Variants in KCNB2 observed in about 807,000 individuals in gnomAD.
KCNB2 encodes delayed rectifier potassium channel protein.
KCNB2 carries 15 observed loss-of-function variants against 61.5 expected under a neutral mutation model. The observed-to-expected ratio is 0.24, with a 90% CI of 0.16 to 0.38. KCNB2 has a LOEUF of 0.38. Ranked by LOEUF, KCNB2 falls within the 10% of genes least tolerant of loss-of-function variation. KCNB2 has a pLI of 1.00. For synonymous variants in KCNB2, 457 were observed against 446.0 expected (o/e 1.02, Z -0.31); for missense variants, 828 against 1,125.2 (o/e 0.74, Z 3.78).
In KCNB2 at chr8:72,887,533, G is replaced by A. The variant is rs190274385; in HGVS notation, c.580-48402G>A. Among the ~76,000 whole-genome samples, 616 of 152,312 alleles carry A rather than the reference G, an allele frequency of 4.0e-3. 2 individuals carry two copies. Among genetic ancestry groups the A allele is most frequent in the Non-Finnish European group, 6.9e-3 (467 of 68,026 alleles). ...CTAGCCAGGAACAGGAAGACAGGAA[G>A]AGGGCTTCTGACCAAAAGCCACTGT... On this transcript the variant is annotated intron_variant, in intron 2 of 2. Coordinates refer to ENST00000523207, the MANE Select transcript of KCNB2 (RefSeq NM_004770.3).
chr8:72,643,525 C>T (rs1806086066), intron 2 of KCNB2, among the ~76,000 whole-genome samples: 1 of 152,074 alleles, frequency 6.6e-6, no homozygotes, highest in Non-Finnish European at 1.5e-5. Context: ...AAGAGCACTC[C>T]ATGGTGTGGA....
chr8:72,559,268 C>G (rs1198592729), intron 1 of KCNB2, among the ~76,000 whole-genome samples: 1 of 152,054 alleles, frequency 6.6e-6, no homozygotes, highest in Non-Finnish European at 1.5e-5. Context: ...CCTCAGCCTC[C>G]TGAGTAGCTG....
chr8:72,896,059 G>A (rs1467995014), intron 2 of KCNB2, among the ~76,000 whole-genome samples: 1 of 151,864 alleles, frequency 6.6e-6, no homozygotes, highest in Non-Finnish European at 1.5e-5. Flanking sequence ...TAAACTTTGA[G>A]AGGAGTTATG....
At chr8:72,553,980 C>T (rs1226757916) in intron 1 of KCNB2, among the ~76,000 whole-genome samples, 1 of 152,068 alleles carries the variant, frequency 6.6e-6, no homozygotes, top group Non-Finnish European at 1.5e-5. Flanking sequence ...TCCATAAATG[C>T]ATACTATATT....
chr8:72,555,099 G>C (rs923858266), intron 1 of KCNB2, among the ~76,000 whole-genome samples: 8 of 152,142 alleles, frequency 5.3e-5, no homozygotes, highest in African/African-American at 1.9e-4. Flanking sequence ...ATAATGCTGG[G>C]TTGGAATCTT....
intron 2 of KCNB2, among the ~76,000 whole-genome samples, chr8:72,627,940 AC>A (rs1585793818): frequency 1.3e-5 from 2 of 151,858 alleles, no homozygotes; most frequent in South Asian, 2.1e-4. Flanking sequence ...TTCCCTGATG[AC>A]TTTTTTTTTG....
chr8:72,688,797 G>A (rs970983723), intron 2 of KCNB2, among the ~76,000 whole-genome samples: 4 of 152,074 alleles, frequency 2.6e-5, no homozygotes, highest in Non-Finnish European at 4.4e-5. Flanking sequence ...TGTGCTGTCT[G>A]CTCACTGCAA....
At chr8:72,781,806 T>C (rs910997448) in intron 2 of KCNB2, among the ~76,000 whole-genome samples, 2 of 152,208 alleles carry the variant, frequency 1.3e-5, no homozygotes, top group African/African-American at 2.4e-5. Context: ...ATCATGTCCT[T>C]TGCAGGGACC....
chr8:72,604,111 G>A (rs1047357515), intron 2 of KCNB2, among the ~76,000 whole-genome samples: 22 of 152,066 alleles, frequency 1.4e-4, no homozygotes, highest in Admixed American at 1.0e-3. Flanking sequence ...TAATAAATGA[G>A]CTGTATGACT....
chr8:72,561,723 A>ATC (rs1554576118), intron 1 of KCNB2, among the ~76,000 whole-genome samples: 7 of 31,774 alleles, frequency 2.2e-4, no homozygotes, highest in Middle Eastern at 0.011. Context: ...ATATATATAT[A>ATC]TATATCTATA....
At chr8:72,772,782 C>T (rs999948281) in intron 2 of KCNB2, among the ~76,000 whole-genome samples, 1 of 152,112 alleles carries the variant, frequency 6.6e-6, no homozygotes, top group Admixed American at 6.5e-5. Context: ...CACATAAATA[C>T]CTGGATGAAA....
intron 2 of KCNB2, among the ~76,000 whole-genome samples, chr8:72,921,973 T>G (rs1806530221): frequency 1.3e-5 from 2 of 152,222 alleles, no homozygotes; most frequent in Non-Finnish European, 2.9e-5. Flanking sequence ...AGTCTGGACC[T>G]TCTCACTGAA....
chr8:72,909,430 A>C (rs1806242215), intron 2 of KCNB2, among the ~76,000 whole-genome samples: 1 of 152,140 alleles, frequency 6.6e-6, no homozygotes, highest in Admixed American at 6.6e-5. Flanking sequence ...GAGGAGCGGC[A>C]GGAAGGCACA....
intron 2 of KCNB2, among the ~76,000 whole-genome samples, chr8:72,820,968 A>G (rs1809488062): frequency 6.6e-6 from 1 of 152,198 alleles, no homozygotes; most frequent in Non-Finnish European, 1.5e-5. Context: ...GTCTCCTTCA[A>G]AAGAACTGTA....
At position 72,537,407 on chromosome 8, in the gene KCNB2, C is replaced by T. The variant is rs981191196; in HGVS notation, c.-572C>T. The stretch of plus-strand genomic sequence containing the variant: ...CGCGGCCGCCGCCGCCGCTGCGCCT[C>T]GGGCAGCCCCAGCGAGCGGCAACTC... On this transcript the variant is annotated 5_prime_UTR_variant, in exon 1 of 3. Coordinates refer to ENST00000523207, the MANE Select transcript of KCNB2 (RefSeq NM_004770.3). 2 of 152,982 alleles carry T rather than the reference C, an allele frequency of 1.3e-5. No individual in the cohort carries two copies. The highest frequency in any genetic ancestry group is 2.9e-5 in the Non-Finnish European group (2 of 68,280). 9.5% of individuals were successfully genotyped at this position (152,982 alleles called of 1,614,324 possible).
At chr8:72,589,329 A>G (rs929962477) in intron 2 of KCNB2, among the ~76,000 whole-genome samples, 15 of 152,216 alleles carry the variant, frequency 9.9e-5, no homozygotes, top group Non-Finnish European at 7.3e-5. Flanking sequence ...CAAAGTTTGT[A>G]GTATAGAGAA....
At chr8:72,888,335 T>C (rs144180668) in intron 2 of KCNB2, among the ~76,000 whole-genome samples, 5 of 152,104 alleles carry the variant, frequency 3.3e-5, no homozygotes, top group Non-Finnish European at 7.4e-5. Context: ...GGTCTCGAAC[T>C]CCTGGGCTCA....
chr8:72,593,267 G>T (rs1337996523), intron 2 of KCNB2, among the ~76,000 whole-genome samples: 1 of 152,156 alleles, frequency 6.6e-6, no homozygotes, highest in Non-Finnish European at 1.5e-5. Context: ...GTATTTTAAA[G>T]TATAAAAAAC....
At chr8:72,555,330 A>G (rs761442240) in intron 1 of KCNB2, among the ~76,000 whole-genome samples, 2 of 151,464 alleles carry the variant, frequency 1.3e-5, no homozygotes, top group African/African-American at 2.4e-5. Context: ...AACAAAATTC[A>G]CAAAGCAAAT....
Sources: gnomAD v4.1 joint callset for allele counts (sites outside exome capture counted in the v4.1 genomes callset) on GRCh38, gnomAD v4.1.1 for gene constraint, MANE v1.5 for transcripts, NCBI Gene and HGNC (gene_info 2026-07-23, HGNC 2026-07-21) for gene names.